The following CHN2 variants were observed in gnomAD, a reference collection of about 807,000 sequenced individuals.
CHN2 encodes the protein beta-chimaerin.
CHN2 carries 35 observed loss-of-function variants against 56.3 expected under a neutral mutation model. The observed-to-expected ratio is 0.62, with a 90% confidence interval of 0.47 to 0.82. The LOEUF is 0.82. CHN2 is among the 40% of genes least tolerant of loss of function. The pLI is 0.00. For missense variants in CHN2, 491 were observed against 580.5 expected (o/e 0.85, Z 1.58); for synonymous variants, 210 against 212.8 (o/e 0.99, Z 0.12).
At position 29,507,480 on chromosome 7, in the gene CHN2, T is replaced by G. The variant is rs1790711369; in HGVS notation, c.1129+115T>G. 6.3e-6 allele frequency: 5 copies of G among 788,296 alleles called. No individual in the cohort carries two copies. In the South Asian group the frequency reaches 9.2e-5, roughly 15 times the overall value. 48.8% of individuals were successfully genotyped at this position (788,296 alleles called of 1,614,324 possible). A position where few individuals can be genotyped will look rare whatever the true frequency, so the allele number is the denominator to read the frequency against. Reference sequence around the variant, plus strand: ...AATTATTGCATTTGTGCCTGTCTTGTCAAGTGAGGGCACAACAATAAATAG... The same window carrying G: ...AATTATTGCATTTGTGCCTGTCTTGGCAAGTGAGGGCACAACAATAAATAG... On this transcript the variant is annotated intron_variant, in intron 11 of 12. Coordinates refer to ENST00000222792, the MANE Select transcript of CHN2 (RefSeq NM_004067.4).
chr7:29,446,903 C>T (rs1284462219), intron 6 of CHN2, among the ~76,000 whole-genome samples: 5 of 152,158 alleles, frequency 3.3e-5, no homozygotes, highest in Admixed American at 3.3e-4. Context: ...GCCTCCATCT[C>T]AGGAGTGGGC....
intron 6 of CHN2, among the ~76,000 whole-genome samples, chr7:29,423,695 A>C (rs1408946339): frequency 6.6e-6 from 1 of 152,238 alleles, no homozygotes; most frequent in Non-Finnish European, 1.5e-5. Context: ...TAATGGCAAT[A>C]TCATAGTCTT....
intron 2 of CHN2, among the ~76,000 whole-genome samples, chr7:29,158,513 TAGCCTAGTCTTTATGTGATAATATTG>T (rs68082983): frequency 0.51 from 77,828 of 151,874 alleles, 20,152 homozygotes; most frequent in Admixed American, 0.56. Flanking sequence ...TTTTATTGTG[TAGCCTAGTCTTTATGTGATAATATTG>T]ATACTTAAGT....
intron 2 of CHN2, among the ~76,000 whole-genome samples, chr7:29,188,156 C>G (rs533382173): frequency 6.6e-6 from 1 of 152,324 alleles, no homozygotes; most frequent in African/African-American, 2.4e-5. Context: ...ATACTTTGCT[C>G]TAAGGAACAG....
intron 1 of CHN2, among the ~76,000 whole-genome samples, chr7:29,329,544 C>T (rs1796063293): frequency 1.3e-5 from 2 of 152,156 alleles, no homozygotes; most frequent in South Asian, 2.1e-4. Context: ...TCTGAAATTG[C>T]TGTAAGAAGA....
chr7:29,253,678 A>G (rs1038097899), intron 1 of CHN2, among the ~76,000 whole-genome samples: 12 of 152,194 alleles, frequency 7.9e-5, no homozygotes, highest in Non-Finnish European at 1.8e-4. Flanking sequence ...TTGACAGTTT[A>G]TATTGGAGGC....
chr7:29,152,477 AC>A (rs1301751908), intron 2 of CHN2, among the ~76,000 whole-genome samples: 4 of 152,192 alleles, frequency 2.6e-5, no homozygotes, highest in Non-Finnish European at 4.4e-5. Flanking sequence ...ATAACAACTT[AC>A]CCACTCTATC....
intron 2 of CHN2, among the ~76,000 whole-genome samples, chr7:29,157,159 T>C (rs1414849184): frequency 1.3e-5 from 2 of 152,130 alleles, no homozygotes; most frequent in African/African-American, 4.8e-5. Flanking sequence ...AGCTGTCTTT[T>C]CTCCCACTTA....
At chr7:29,259,831 C>T (rs760534582) in intron 1 of CHN2, among the ~76,000 whole-genome samples, 9 of 152,074 alleles carry the variant, frequency 5.9e-5, no homozygotes, top group Admixed American at 2.6e-4. Flanking sequence ...TCACATCATA[C>T]ATCTTGAATA....
chr7:29,194,751 A>C (rs1488413321), upstream of CHN2: 1 of 452,666 alleles, frequency 2.2e-6, no homozygotes, highest in East Asian at 3.8e-5. Flanking sequence ...ACAAATAAAT[A>C]GCGGCGGCGG....
intron 1 of CHN2, among the ~76,000 whole-genome samples, chr7:29,273,803 T>C (rs973570200): frequency 1.3e-5 from 2 of 152,124 alleles, no homozygotes; most frequent in Non-Finnish European, 2.9e-5. Context: ...TTGGATTTCA[T>C]ATCTGCTTCT....
At chr7:29,166,847 C>G (rs546504374) in intron 2 of CHN2, among the ~76,000 whole-genome samples, 1 of 151,968 alleles carries the variant, frequency 6.6e-6, no homozygotes, top group East Asian at 1.9e-4. Context: ...TTTTCTATTT[C>G]CTGTACCTTC....
intron 7 of CHN2, among the ~76,000 whole-genome samples, chr7:29,485,740 A>C (rs1177590220): frequency 6.6e-6 from 1 of 152,168 alleles, no homozygotes; most frequent in Non-Finnish European, 1.5e-5. Context: ...TTAAATCATC[A>C]GTTGGGGTGG....
intron 1 of CHN2, among the ~76,000 whole-genome samples, chr7:29,300,279 C>A (rs1473435043): frequency 6.6e-6 from 1 of 152,098 alleles, no homozygotes; most frequent in African/African-American, 2.4e-5. Context: ...GTGTTGAAGC[C>A]TTCAGGGCAT....
intron 6 of CHN2, among the ~76,000 whole-genome samples, chr7:29,467,808 C>T (rs1175031481): frequency 6.6e-6 from 1 of 152,146 alleles, no homozygotes; most frequent in Non-Finnish European, 1.5e-5. Flanking sequence ...ATACCAGTGG[C>T]ATAGGATGGT....
intron 7 of CHN2, among the ~76,000 whole-genome samples, chr7:29,493,138 T>C (rs1311668207): frequency 6.6e-6 from 1 of 152,200 alleles, no homozygotes; most frequent in Non-Finnish European, 1.5e-5. Context: ...ACTGTACCTT[T>C]TCTATGTTTA....
At chr7:29,399,409 A>G (rs1047738503) in intron 5 of CHN2, among the ~76,000 whole-genome samples, 1 of 152,218 alleles carries the variant, frequency 6.6e-6, no homozygotes, top group African/African-American at 2.4e-5. Context: ...CTTCAGGCCA[A>G]TGAGCCAGTA....
chr7:29,422,881 C>T (rs1309170244), intron 6 of CHN2, among the ~76,000 whole-genome samples: 1 of 152,126 alleles, frequency 6.6e-6, no homozygotes, highest in African/African-American at 2.4e-5. Flanking sequence ...TTCTGAGAAA[C>T]ACACTTTGGG....
At chr7:29,199,819 C>A (rs1784015399) in intron 1 of CHN2, 1 of 152,202 alleles carries the variant, frequency 6.6e-6, no homozygotes, top group Admixed American at 6.5e-5. Flanking sequence ...AATGCTGGTT[C>A]TCCCCACTGA....
Sources: gnomAD v4.1 joint callset for allele counts (sites outside exome capture counted in the v4.1 genomes callset) on GRCh38, gnomAD v4.1.1 for gene constraint, MANE v1.5 for transcripts, NCBI Gene and HGNC (gene_info 2026-07-23, HGNC 2026-07-21) for gene names.